ATG7: variants seen among roughly 807,000 people sequenced by gnomAD.
ATG7 encodes the protein ubiquitin-like modifier-activating enzyme ATG7.
In ATG7, 70 loss-of-function variants were observed where a neutral mutation model predicts 82.4. The ratio of observed to expected loss-of-function variants is 0.85; its 90% CI spans 0.70 to 1.04. The LOEUF is 1.04. ATG7 is among the 50% of genes least tolerant of loss of function. ATG7 has a pLI of 0.00. For missense variants in ATG7, 792 were observed against 864.3 expected, an observed-to-expected ratio of 0.92 and a Z score of 1.05; for synonymous variants, 287 against 313.0, an observed-to-expected ratio of 0.92 and a Z score of 0.88.
intron 1 of ATG7, among the ~76,000 whole-genome samples, chr3:11,274,354 T>TG (rs1247636713): frequency 1.3e-5 from 2 of 152,086 alleles, no homozygotes; most frequent in African/African-American, 4.8e-5. Flanking sequence ...ATGAAGCTAT[T>TG]GCGGAGGTTT....
intron 20 of ATG7, among the ~76,000 whole-genome samples, chr3:11,463,851 T>G (rs1046138885): frequency 6.6e-6 from 1 of 152,126 alleles, no homozygotes; most frequent in Non-Finnish European, 1.5e-5. Flanking sequence ...GCTCTCTTGC[T>G]CATTTTGGGA....
intron 19 of ATG7, among the ~76,000 whole-genome samples, chr3:11,423,209 G>C: frequency 6.6e-6 from 1 of 152,154 alleles, no homozygotes; most frequent in African/African-American, 2.4e-5. Flanking sequence ...ATGGCCAGTT[G>C]GTGAATCGGT....
intron 20 of ATG7, among the ~76,000 whole-genome samples, chr3:11,457,278 G>T (rs1176335475): frequency 2.0e-5 from 3 of 152,144 alleles, no homozygotes; most frequent in Non-Finnish European, 4.4e-5. Flanking sequence ...TCTGTACTAG[G>T]TGGGACTGCC....
At chr3:11,351,630 A>C (rs1269704650) in intron 14 of ATG7, among the ~76,000 whole-genome samples, 1 of 152,130 alleles carries the variant, frequency 6.6e-6, no homozygotes, top group Non-Finnish European at 1.5e-5. Context: ...ACATTGTGTT[A>C]CTCTGTTTTC....
chr3:11,462,021 ACT>A (rs1225095941), intron 20 of ATG7, among the ~76,000 whole-genome samples: 1 of 151,132 alleles, frequency 6.6e-6, no homozygotes, highest in African/African-American at 2.4e-5. Flanking sequence ...ACAGAGTGAG[ACT>A]CTGTCTCCAA....
At chr3:11,388,432 C>A (rs888867294) in intron 19 of ATG7, among the ~76,000 whole-genome samples, 1 of 137,538 alleles carries the variant, frequency 7.3e-6, no homozygotes, top group Non-Finnish European at 1.6e-5. Context: ...CATGTTCCTT[C>A]TTTTTTTTTT....
intron 19 of ATG7, among the ~76,000 whole-genome samples, chr3:11,386,325 C>A (rs1433670748): frequency 3.3e-5 from 5 of 152,110 alleles, no homozygotes; most frequent in Non-Finnish European, 7.3e-5. Context: ...AAGAAAATAA[C>A]CACGATCCAG....
At chr3:11,406,255 G>T (rs2080326552) in intron 19 of ATG7, among the ~76,000 whole-genome samples, 1 of 152,210 alleles carries the variant, frequency 6.6e-6, no homozygotes, top group South Asian at 2.1e-4. Flanking sequence ...CTCTCAAAGT[G>T]CTGGGATCAC....
At chr3:11,573,681 T>TC in the ATG7 span, among the ~76,000 whole-genome samples, 11 of 152,258 alleles carry the variant, frequency 7.2e-5, no homozygotes, top group African/African-American at 2.4e-4. Context: ...AATTTGCATT[T>TC]CTTCAGTTAC....
chr3:11,420,153 G>GA (rs1208181103), intron 19 of ATG7, among the ~76,000 whole-genome samples: 1 of 152,066 alleles, frequency 6.6e-6, no homozygotes, highest in East Asian at 1.9e-4. Context: ...TGTTTGGGGG[G>GA]AAAAATCCTT....
intron 13 of ATG7, among the ~76,000 whole-genome samples, chr3:11,345,356 C>T (rs1159179992): frequency 1.3e-5 from 2 of 152,178 alleles, no homozygotes; most frequent in African/African-American, 4.8e-5. Context: ...TTGCAGTGAG[C>T]GGAGATAGCG....
chr3:11,358,728 A>G, intron 15 of ATG7, 116 bp downstream of exon 15: 1 of 1,129,810 alleles, frequency 8.9e-7, no homozygotes. Context: ...ACCTGGTAGC[A>G]TAGTGCCAAA....
chr3:11,287,032 G>T (rs1944199171), intron 3 of ATG7, among the ~76,000 whole-genome samples: 1 of 152,110 alleles, frequency 6.6e-6, no homozygotes, highest in Admixed American at 6.6e-5. Context: ...CTTCCGAAGT[G>T]CTGGGATGCA....
chr3:11,369,287 A>G (rs1032775287), intron 18 of ATG7, among the ~76,000 whole-genome samples: 7 of 151,116 alleles, frequency 4.6e-5, no homozygotes, highest in African/African-American at 1.7e-4. Context: ...CAGCCCAGGA[A>G]AGGAGCCTCC....
chr3:11,502,290 C>T (rs1021891471), intron 20 of ATG7, among the ~76,000 whole-genome samples: 4 of 149,590 alleles, frequency 2.7e-5, no homozygotes, highest in African/African-American at 4.9e-5. Flanking sequence ...TAGTTACATA[C>T]GTATACATGT....
intron 20 of ATG7, among the ~76,000 whole-genome samples, chr3:11,458,965 G>A (rs1425442587): frequency 2.6e-5 from 4 of 152,064 alleles, no homozygotes; most frequent in African/African-American, 9.7e-5. Flanking sequence ...TGGGTTGCCC[G>A]CAGCTTATGA....
At chr3:11,305,551 C>G (rs891196977) in intron 5 of ATG7, among the ~76,000 whole-genome samples, 2 of 152,240 alleles carry the variant, frequency 1.3e-5, no homozygotes, top group African/African-American at 4.8e-5. Context: ...GCTCTGCTTT[C>G]TTTGCCTTCC....
chr3:11,545,477 C>T (rs1477122376), intron 20 of ATG7, among the ~76,000 whole-genome samples: 1 of 152,002 alleles, frequency 6.6e-6, no homozygotes, highest in Non-Finnish European at 1.5e-5. Context: ...TGGAGAGTCT[C>T]CACGGCCTGC....
chr3:11,285,956 G>C (rs1299472591), intron 3 of ATG7, among the ~76,000 whole-genome samples: 1 of 152,074 alleles, frequency 6.6e-6, no homozygotes, highest in African/African-American at 2.4e-5. Flanking sequence ...TTTCAGTCTG[G>C]GACAGCTCCT....
Sources: allele counts gnomAD v4.1 joint callset (sites outside exome capture counted in the v4.1 genomes callset), GRCh38; gene constraint gnomAD v4.1.1; transcripts MANE v1.5; gene names NCBI Gene and HGNC (gene_info 2026-07-23, HGNC 2026-07-21).